The following ARFIP1 variants were observed in gnomAD, a reference collection of about 807,000 sequenced individuals.
ARFIP1 encodes arfaptin-1.
Under a neutral mutation model 42.5 loss-of-function variants are expected in ARFIP1, and 24 were observed. The ratio of observed to expected loss-of-function variants is 0.57; its 90% CI spans 0.41 to 0.80. The LOEUF (loss-of-function observed/expected upper bound fraction) is 0.80. ARFIP1 is among the 30% of genes least tolerant of loss of function. ARFIP1 has a pLI of 0.00. For missense variants in ARFIP1, 354 were observed against 434.0 expected, an observed-to-expected ratio of 0.82 and a Z score of 1.64; for synonymous variants, 141 against 153.7, an observed-to-expected ratio of 0.92 and a Z score of 0.61.
Position 152,910,355 on chromosome 4 carries a change from C to T in ARFIP1, c.*136C>T. ...TCTTGCACAAACAGCTTTAATTTTT[C>T]CCTTTTTCATACTTTAACAATTGAA... On this transcript the variant is annotated 3_prime_UTR_variant, in exon 9 of 9. Transcript: ENST00000353617. 8.5e-6 allele frequency: 9 copies of T among 1,054,094 alleles called. No individual in the cohort carries two copies. The highest frequency in any genetic ancestry group is 1.2e-5 in the Non-Finnish European group (9 of 754,736). 65.3% of individuals were successfully genotyped at this position (1,054,094 alleles called of 1,614,324 possible).
At chr4:152,877,478 A>C (rs1735460195) in intron 5 of ARFIP1, among the ~76,000 whole-genome samples, 1 of 152,136 alleles carries the variant, frequency 6.6e-6, no homozygotes. Flanking sequence ...GGAAGTAACT[A>C]GCTTGCTTTT....
intron 3 of ARFIP1, among the ~76,000 whole-genome samples, chr4:152,864,758 C>G (rs984125018): frequency 1.1e-4 from 16 of 152,116 alleles, no homozygotes; most frequent in African/African-American, 3.6e-4. Context: ...GAAATCCTCC[C>G]AAAATTCAAG....
At chr4:152,789,926 A>G (rs978813202) in intron 1 of ARFIP1, among the ~76,000 whole-genome samples, 1 of 152,212 alleles carries the variant, frequency 6.6e-6, no homozygotes, top group African/African-American at 2.4e-5. Context: ...GCCTAGAATC[A>G]GCCTTTTCTC....
At chr4:152,821,282 A>G (rs996838452) in intron 1 of ARFIP1, among the ~76,000 whole-genome samples, 2 of 152,236 alleles carry the variant, frequency 1.3e-5, no homozygotes, top group Non-Finnish European at 2.9e-5. Flanking sequence ...TTCTAAATTG[A>G]TATTTTAAAG....
chr4:152,842,076 C>T (rs540250148), intron 2 of ARFIP1, among the ~76,000 whole-genome samples: 47 of 152,256 alleles, frequency 3.1e-4, no homozygotes, highest in African/African-American at 9.1e-4. Context: ...AAGGTGACCG[C>T]GTCTACCTTT....
chr4:152,885,941 T>G (rs1736224084), intron 7 of ARFIP1, among the ~76,000 whole-genome samples: 1 of 152,030 alleles, frequency 6.6e-6, no homozygotes, highest in Admixed American at 6.6e-5. Flanking sequence ...TGGAGATTTT[T>G]GTTCACATTT....
At chr4:152,838,579 C>G (rs191497485) in intron 2 of ARFIP1, among the ~76,000 whole-genome samples, 1 of 152,198 alleles carries the variant, frequency 6.6e-6, no homozygotes, top group African/African-American at 2.4e-5. Context: ...TGATTCTCTT[C>G]TTGGTCACTG....
chr4:152,898,753 G>A (rs965924420), intron 8 of ARFIP1, among the ~76,000 whole-genome samples: 7 of 152,172 alleles, frequency 4.6e-5, no homozygotes, highest in Admixed American at 4.6e-4. Flanking sequence ...ACAAGAATGG[G>A]TAACATGTGC....
At chr4:152,822,593 A>C (rs1416728828) in intron 1 of ARFIP1, among the ~76,000 whole-genome samples, 1 of 152,242 alleles carries the variant, frequency 6.6e-6, no homozygotes, top group Non-Finnish European at 1.5e-5. Context: ...CATTCCACCC[A>C]GGAACCGCAG....
intron 1 of ARFIP1, among the ~76,000 whole-genome samples, chr4:152,785,376 G>T (rs749440634): frequency 1.3e-5 from 2 of 152,178 alleles, no homozygotes; most frequent in Non-Finnish European, 2.9e-5. Flanking sequence ...GCTTTGTCCA[G>T]GGTCACATAC....
chr4:152,810,917 A>G (rs1415535543), intron 1 of ARFIP1, among the ~76,000 whole-genome samples: 3 of 151,962 alleles, frequency 2.0e-5, no homozygotes, highest in African/African-American at 7.3e-5. Context: ...GCTTATCTCT[A>G]CTATATGATG....
chr4:152,819,066 C>T (rs1226509168), intron 1 of ARFIP1, among the ~76,000 whole-genome samples: 1 of 152,100 alleles, frequency 6.6e-6, no homozygotes, highest in African/African-American at 2.4e-5. Flanking sequence ...TGGGCAGGGG[C>T]CTTTGGGAAC....
chr4:152,817,839 C>A (rs768847771), intron 1 of ARFIP1, among the ~76,000 whole-genome samples: 1 of 152,140 alleles, frequency 6.6e-6, no homozygotes, highest in East Asian at 1.9e-4. Context: ...ATGTAGCCAA[C>A]AAGCATATGA....
intron 1 of ARFIP1, among the ~76,000 whole-genome samples, chr4:152,815,889 C>T (rs1329661981): frequency 4.6e-5 from 7 of 151,004 alleles, no homozygotes; most frequent in African/African-American, 9.7e-5. Context: ...GGACTACAGG[C>T]GCCCGCCACT....
intron 2 of ARFIP1, among the ~76,000 whole-genome samples, chr4:152,837,490 T>G (rs1731748668): frequency 6.6e-6 from 1 of 152,180 alleles, no homozygotes; most frequent in African/African-American, 2.4e-5. Context: ...GAGGTGATAT[T>G]GCGTTGTGGT....
intron 2 of ARFIP1, among the ~76,000 whole-genome samples, chr4:152,843,560 G>A (rs1292677865): frequency 6.6e-6 from 1 of 152,128 alleles, no homozygotes; most frequent in Non-Finnish European, 1.5e-5. Flanking sequence ...AGTTGTGTTT[G>A]AGCTCAAACT....
chr4:152,845,822 C>T (rs921861912), intron 2 of ARFIP1, among the ~76,000 whole-genome samples: 1 of 152,144 alleles, frequency 6.6e-6, no homozygotes, highest in African/African-American at 2.4e-5. Flanking sequence ...TACCATCAGA[C>T]CCAGCAATCC....
chr4:152,796,921 T>G (rs1279095622), intron 1 of ARFIP1: 1 of 347,994 alleles, frequency 2.9e-6, no homozygotes, highest in Non-Finnish European at 5.2e-6. Context: ...CTTTATATAT[T>G]AGCCTTTTAT....
intron 1 of ARFIP1, among the ~76,000 whole-genome samples, chr4:152,814,097 C>CTTTTTTT (rs67593845): frequency 2.8e-4 from 31 of 110,882 alleles, no homozygotes; most frequent in Admixed American, 3.7e-4. Context: ...TCTTCTTCTT[C>CTTTTTTT]TTTTTTTTTT....
Sources: allele counts gnomAD v4.1 joint callset (sites outside exome capture counted in the v4.1 genomes callset), GRCh38; gene constraint gnomAD v4.1.1; transcripts MANE v1.5; gene names NCBI Gene and HGNC (gene_info 2026-07-23, HGNC 2026-07-21).